The following RIN3 variants were observed in gnomAD, a reference collection of about 807,000 sequenced individuals.
RIN3 encodes the protein Ras and Rab interactor 3.
Under a neutral mutation model 76.3 loss-of-function variants are expected in RIN3, and 54 were observed. That is an observed-to-expected ratio of 0.71 (90% confidence interval 0.57 to 0.89). The LOEUF (loss-of-function observed/expected upper bound fraction) is 0.89, where lower values mean the gene tolerates loss of function less well. RIN3 is among the 40% of genes least tolerant of loss of function. The pLI, the probability that RIN3 is intolerant of heterozygous loss-of-function variation, is 0.00. For synonymous variants in RIN3, 576 were observed against 564.0 expected (o/e 1.02, Z -0.30); for missense variants, 1,256 against 1,322.1 (o/e 0.95, Z 0.78).
intron 2 of RIN3, among the ~76,000 whole-genome samples, chr14:92,562,918 T>G (rs1016396995): frequency 2.6e-5 from 4 of 152,186 alleles, no homozygotes; most frequent in Non-Finnish European, 5.9e-5. Context: ...CTTTTAAGGT[T>G]GCTTTTGGTG....
chr14:92,558,882 CTTTTCTTTTTTT>C, intron 2 of RIN3, among the ~76,000 whole-genome samples: 1 of 110,222 alleles, frequency 9.1e-6, no homozygotes, highest in South Asian at 3.3e-4. Flanking sequence ...TTTTTCTTTT[CTTTTCTTTTTTT>C]TTTTTTTTTG....
intron 1 of RIN3, among the ~76,000 whole-genome samples, chr14:92,536,350 T>C (rs547277379): frequency 6.6e-6 from 1 of 152,322 alleles, no homozygotes; most frequent in East Asian, 1.9e-4. Flanking sequence ...TATCTCTCCA[T>C]TCGCCTATTG....
intron 4 of RIN3, among the ~76,000 whole-genome samples, chr14:92,635,461 G>A (rs999993998): frequency 2.6e-5 from 4 of 152,208 alleles, no homozygotes; most frequent in Admixed American, 2.0e-4. Flanking sequence ...GGAGCAAGCT[G>A]CGGAAAAGGG....
chr14:92,554,927 A>G (rs1738580672), intron 1 of RIN3, among the ~76,000 whole-genome samples: 1 of 152,232 alleles, frequency 6.6e-6, no homozygotes, highest in African/African-American at 2.4e-5. Flanking sequence ...TGTCTCAAAA[A>G]AAAATTATAC....
intron 2 of RIN3, among the ~76,000 whole-genome samples, chr14:92,567,861 T>TA (rs2140048496): frequency 6.6e-6 from 1 of 152,290 alleles, no homozygotes; most frequent in East Asian, 1.9e-4. Context: ...ATTAGGCACT[T>TA]AAAATCATAG....
chr14:92,688,466 G>A lies in RIN3; in HGVS notation c.*214G>A. ...CCTAATAGCCCTGAGACACCGAGAC[G>A]GCATGTTCTTCATTAGACGGAAAGG... is the stretch of plus-strand genomic sequence containing the variant. On this transcript the variant is annotated 3_prime_UTR_variant, in exon 10 of 10. Coordinates refer to ENST00000216487, the MANE Select transcript of RIN3 (RefSeq NM_024832.5). The A allele has an allele frequency of 1.8e-6, 1 of 571,410 alleles. No homozygotes were observed. The highest frequency in any genetic ancestry group is 3.1e-6 in the Non-Finnish European group (1 of 324,636). The allele number at this position is 571,410 out of a possible 1,614,324, so 35.4% of individuals were successfully genotyped here.
rs1364010701 is a variant in RIN3, at chr14:92,611,290, C to G, written c.368-4117C>G. ...GTCTGTGTCCCATGCCCTCACATGA[C>G]CTTCTTTTTTTTTGGAGACAGAGTC... On this transcript the variant is annotated intron_variant, in intron 3 of 9. Transcript: ENST00000216487. Among the ~76,000 whole-genome samples the G allele has an allele frequency of 6.3e-5, 7 of 111,980 alleles. No individual in the cohort carries two copies. In the Admixed American group the frequency reaches 7.4e-4, roughly 12 times the overall value. 73.5% of individuals were successfully genotyped at this position (111,980 alleles called of 152,430 possible).
intron 3 of RIN3, among the ~76,000 whole-genome samples, chr14:92,597,545 G>GA (rs1447256769): frequency 6.6e-6 from 1 of 152,174 alleles, no homozygotes; most frequent in East Asian, 1.9e-4. Flanking sequence ...GGTTGAACTT[G>GA]GGCAAATTCC....
chr14:92,596,309 T>A (rs972324789), intron 3 of RIN3, among the ~76,000 whole-genome samples: 3 of 152,250 alleles, frequency 2.0e-5, no homozygotes, highest in Non-Finnish European at 4.4e-5. Flanking sequence ...GGGGAGTTGC[T>A]GTCTACCAGG....
intron 7 of RIN3, among the ~76,000 whole-genome samples, chr14:92,670,852 G>A (rs927028274): frequency 1.3e-5 from 2 of 152,182 alleles, no homozygotes; most frequent in South Asian, 2.1e-4. Flanking sequence ...GTAGCTTGAC[G>A]TTGGAAATTG....
At chr14:92,614,532 C>T (rs190678457) in intron 3 of RIN3, among the ~76,000 whole-genome samples, 161 of 152,280 alleles carry the variant, frequency 1.1e-3, no homozygotes, top group South Asian at 3.1e-3. Context: ...TGTCCTCACC[C>T]AAATCTCACC....
At chr14:92,639,357 G>A (rs1486427559) in intron 4 of RIN3, among the ~76,000 whole-genome samples, 1 of 149,590 alleles carries the variant, frequency 6.7e-6, no homozygotes, top group Non-Finnish European at 1.5e-5. Context: ...GAGCAAGGGA[G>A]GGTAGAACAG....
chr14:92,643,348 G>A lies in RIN3; in HGVS notation c.532+2019G>A, dbSNP rs574302781. On this transcript the variant is annotated intron_variant, in intron 5 of 9. Coordinates refer to ENST00000216487, the MANE Select transcript of RIN3 (RefSeq NM_024832.5). The surrounding 1 kb of genome is among the most constrained non-coding windows in gnomAD (Gnocchi z 4.8). ...ATTACAGGCGTGAGCCACCACACCC[G>A]GCCGCCTCTTAGCTCTTTATCCAAA... Among the ~76,000 whole-genome samples the A allele has an allele frequency of 5.3e-4, 81 of 151,938 alleles. No individual in the cohort carries two copies. The highest frequency in any genetic ancestry group is 1.1e-3 in the African/African-American group (44 of 41,458).
intron 3 of RIN3, among the ~76,000 whole-genome samples, chr14:92,612,691 A>G (rs1414155091): frequency 4.6e-5 from 7 of 152,250 alleles, no homozygotes; most frequent in Non-Finnish European, 1.0e-4. Context: ...CAGGAATGGA[A>G]AGGTGGCAGA....
chr14:92,544,358 G>C (rs945654373), intron 1 of RIN3, among the ~76,000 whole-genome samples: 1 of 133,984 alleles, frequency 7.5e-6, no homozygotes, highest in African/African-American at 2.8e-5. Flanking sequence ...GGCATCAGCT[G>C]TTCTTTGTCT....
chr14:92,605,497 A>G (rs1189293852), intron 3 of RIN3, among the ~76,000 whole-genome samples: 1 of 152,250 alleles, frequency 6.6e-6, no homozygotes, highest in African/African-American at 2.4e-5. Context: ...TCCTCGTTCC[A>G]TGCTTTCATA....
chr14:92,549,492 C>G (rs1481706823), intron 1 of RIN3, among the ~76,000 whole-genome samples: 7 of 152,256 alleles, frequency 4.6e-5, no homozygotes, highest in Admixed American at 3.9e-4. Context: ...GCTCACCACT[C>G]TGTCCCCACA....
chr14:92,664,339 G>A (rs560525756), intron 7 of RIN3, among the ~76,000 whole-genome samples: 14 of 149,280 alleles, frequency 9.4e-5, no homozygotes, highest in East Asian at 7.8e-4. Context: ...AACCCCCTCC[G>A]CTTCATCATT....
At position 92,685,148 on chromosome 14, in the gene RIN3, C is replaced by A; in HGVS notation, c.2629C>A (p.Gln877Lys). ...GGCCCGGGCCTCCCGCTCCTCCGTA[C>A]AGGTGAGGCCTGAGAGCGGGAGGGG... is the stretch of plus-strand genomic sequence containing the variant. ...NKARASRSSV[Q>K]DFICVSYLEP... The change falls in exon 9 of 10, where the codon CAG (glutamine) becomes AAG (lysine). Residue 877 changes from glutamine (Q) to lysine (K), a missense_variant and splice_region_variant. Physicochemically the swap from Gln to Lys is moderately conservative, Grantham distance 53. Around this residue, in one of 3 missense-constraint regions of RIN3, gnomAD observed 218 missense variants for 174.5 expected, o/e 1.25. Coordinates refer to ENST00000216487, the MANE Select transcript of RIN3 (RefSeq NM_024832.5). The surrounding 1 kb of genome is among the most constrained non-coding windows in gnomAD (Gnocchi z 4.7). The A allele has an allele frequency of 6.2e-7, 1 of 1,603,730 alleles. No individual in the cohort carries two copies. The highest frequency in any genetic ancestry group is 8.5e-7 in the Non-Finnish European group (1 of 1,172,926).
Sources: gnomAD v4.1 joint callset for allele counts (sites outside exome capture counted in the v4.1 genomes callset) on GRCh38, gnomAD v4.1.1 for gene constraint, gnomAD v4.1.1 regional missense constraint, Gnocchi (gnomAD v3.1) non-coding constraint, MANE v1.5 for transcripts, NCBI Gene and HGNC (gene_info 2026-07-23, HGNC 2026-07-21) for gene names.